PTPN13: variants seen among roughly 807,000 people sequenced by gnomAD.
PTPN13 encodes the protein tyrosine-protein phosphatase non-receptor type 13.
A neutral mutation model predicts 284.0 loss-of-function variants in PTPN13; 191 were observed. That is an observed-to-expected ratio of 0.67 (90% CI 0.60 to 0.76). The LOEUF is 0.76. Ranked by LOEUF, PTPN13 falls within the 30% of genes least tolerant of loss-of-function variation. The pLI is 0.00. For synonymous variants in PTPN13, 986 were observed against 1,022.3 expected, an observed-to-expected ratio of 0.96 and a Z score of 0.68; for missense variants, 2,797 against 2,939.9, an observed-to-expected ratio of 0.95 and a Z score of 1.12.
At chr4:86,681,888 C>T (rs1350949900) in intron 3 of PTPN13, among the ~76,000 whole-genome samples, 1 of 151,562 alleles carries the variant, frequency 6.6e-6, no homozygotes, top group African/African-American at 2.4e-5. Flanking sequence ...GAGATTGCAC[C>T]ACTGCACTCC....
chr4:86,772,136 A>G (rs2149276570), intron 31 of PTPN13, among the ~76,000 whole-genome samples: 1 of 152,256 alleles, frequency 6.6e-6, no homozygotes, highest in Non-Finnish European at 1.5e-5. Context: ...TCTTTTCCTT[A>G]TTATGTTGAA....
intron 17 of PTPN13, among the ~76,000 whole-genome samples, chr4:86,746,784 C>T (rs1736815078): frequency 1.3e-5 from 2 of 152,154 alleles, no homozygotes; most frequent in African/African-American, 4.8e-5. Flanking sequence ...GCACCCGCCA[C>T]CACGCCCAGC....
At chr4:86,708,182 A>G (rs1731976071) in intron 7 of PTPN13, among the ~76,000 whole-genome samples, 1 of 152,176 alleles carries the variant, frequency 6.6e-6, no homozygotes, top group Non-Finnish European at 1.5e-5. Context: ...TTAAACTTAC[A>G]TAGTTACATG....
At chr4:86,730,966 C>A (rs1437004493) in intron 10 of PTPN13, among the ~76,000 whole-genome samples, 1 of 152,144 alleles carries the variant, frequency 6.6e-6, no homozygotes, top group East Asian at 1.9e-4. Flanking sequence ...TATTTCTATT[C>A]TTGTTTAAAA....
chr4:86,777,079 T>C (rs1740743028), intron 35 of PTPN13, among the ~76,000 whole-genome samples: 1 of 152,232 alleles, frequency 6.6e-6, no homozygotes, highest in Admixed American at 6.5e-5. Context: ...CTTTCACTTA[T>C]AATGGAAACA....
intron 2 of PTPN13, among the ~76,000 whole-genome samples, chr4:86,642,955 A>T (rs1369756144): frequency 6.6e-6 from 1 of 152,136 alleles, no homozygotes; most frequent in Admixed American, 6.5e-5. Context: ...TTAGCTTACA[A>T]CTGTAGTAAT....
intron 23 of PTPN13, 28 bp downstream of exon 23, chr4:86,759,101 TTC>T (rs1738365702): frequency 3.1e-6 from 5 of 1,601,200 alleles, no homozygotes; most frequent in East Asian, 2.2e-5. Context: ...TACTTATGTA[TTC>T]TGTTTCACTT....
rs138933930 is a variant in PTPN13, at chr4:86,750,763, C to A, written c.2944C>A (p.Arg982=). The A allele has an allele frequency of 3.1e-6, 5 of 1,613,490 alleles. No homozygotes were observed. Among genetic ancestry groups the A allele is most frequent in the Non-Finnish European group, 2.5e-6 (3 of 1,179,646 alleles). The change falls in exon 18 of 48, where the codon CGG becomes AGG. Residue 982 remains arginine, a synonymous_variant. Coordinates refer to ENST00000411767, the MANE Select transcript of PTPN13 (RefSeq NM_080683.3). ...CAGTCAGGCCTCTCTCTATCCACATCGGAAAAATGTCATTGTTAACATGGA... is the reference window on the plus strand; with the variant it reads ...CAGTCAGGCCTCTCTCTATCCACATAGGAAAAATGTCATTGTTAACATGGA... The part of the protein sequence containing the change: ...DLSQASLYPH[R]KNVIVNMEPP...
At chr4:86,722,128 C>T (rs1733736824) in intron 9 of PTPN13, 84 bp from the exon 10 acceptor site, 1 of 1,143,762 alleles carries the variant, frequency 8.7e-7, no homozygotes, top group African/African-American at 1.6e-5. Context: ...CTCTTGCAAC[C>T]TTACTTAAAA....
chr4:86,807,506 C>A, intron 44 of PTPN13, 54 bp from the exon 45 acceptor site: 1 of 1,360,734 alleles, frequency 7.3e-7, no homozygotes, highest in Non-Finnish European at 1.0e-6. Flanking sequence ...TTGTAAGACT[C>A]TTGTTTAAAA....
chr4:86,662,519 A>G (rs903163876), intron 2 of PTPN13, among the ~76,000 whole-genome samples: 1 of 152,054 alleles, frequency 6.6e-6, no homozygotes, highest in African/African-American at 2.4e-5. Flanking sequence ...TTTAGTAGAG[A>G]TGGGATTTTG....
intron 10 of PTPN13, among the ~76,000 whole-genome samples, chr4:86,731,815 T>A (rs1212170053): frequency 6.6e-6 from 1 of 152,142 alleles, no homozygotes; most frequent in East Asian, 1.9e-4. Context: ...GCTAATTTTT[T>A]ATTTTTTGTA....
At chr4:86,650,274 A>C (rs1436994492) in intron 2 of PTPN13, among the ~76,000 whole-genome samples, 1 of 152,128 alleles carries the variant, frequency 6.6e-6, no homozygotes, top group Non-Finnish European at 1.5e-5. Flanking sequence ...GGCATGAGCT[A>C]CAACGTCTGG....
At chr4:86,620,625 A>AT (rs1721112164) in intron 1 of PTPN13, among the ~76,000 whole-genome samples, 1 of 152,220 alleles carries the variant, frequency 6.6e-6, no homozygotes, top group African/African-American at 2.4e-5. Context: ...AATAGCCAAC[A>AT]TTACTGATAT....
intron 23 of PTPN13, 38 bp from the exon 24 acceptor site, chr4:86,762,689 C>A (rs755397971): frequency 4.1e-6 from 6 of 1,462,134 alleles, no homozygotes; most frequent in African/African-American, 2.8e-5. Context: ...ACGTGTATCA[C>A]TAACTTGTTA....
At chr4:86,796,767 G>A in intron 40 of PTPN13, 107 bp from the exon 41 acceptor site, 2 of 710,562 alleles carry the variant, frequency 2.8e-6, no homozygotes, top group South Asian at 1.9e-5. Context: ...TGTAATATAA[G>A]GATGAACAAT....
At chr4:86,724,558 C>T (rs1168457809) in intron 10 of PTPN13, among the ~76,000 whole-genome samples, 2 of 152,132 alleles carry the variant, frequency 1.3e-5, no homozygotes, top group Non-Finnish European at 2.9e-5. Flanking sequence ...TATTTTGTGT[C>T]AGTGATTAGA....
intron 17 of PTPN13, among the ~76,000 whole-genome samples, chr4:86,746,108 T>C (rs1200821005): frequency 2.0e-5 from 3 of 152,136 alleles, no homozygotes; most frequent in Admixed American, 6.5e-5. Context: ...TGAATAATCA[T>C]AGTACCCAAT....
intron 1 of PTPN13, among the ~76,000 whole-genome samples, chr4:86,631,179 T>C (rs1722428340): frequency 6.6e-6 from 1 of 152,188 alleles, no homozygotes; most frequent in Non-Finnish European, 1.5e-5. Flanking sequence ...TACCTAGTAC[T>C]GTGTCTAAAG....
Sources: allele counts gnomAD v4.1 joint callset (sites outside exome capture counted in the v4.1 genomes callset), GRCh38; gene constraint gnomAD v4.1.1; transcripts MANE v1.5; gene names NCBI Gene and HGNC (gene_info 2026-07-23, HGNC 2026-07-21).